The following CCBE1 variants were observed in gnomAD, a reference collection of about 807,000 sequenced individuals.
The protein encoded by CCBE1 is collagen and calcium binding EGF domains 1, also known as collagen and calcium-binding EGF domain-containing protein 1.
In CCBE1, 37 loss-of-function variants were observed where a neutral mutation model predicts 50.0. That is an observed-to-expected ratio of 0.74 (90% CI 0.57 to 0.97). The LOEUF is 0.97. CCBE1 is among the 50% of genes least tolerant of loss of function. The pLI is 0.00. For missense variants in CCBE1, 538 were observed against 523.8 expected (o/e 1.03, Z -0.26); for synonymous variants, 234 against 203.7 (o/e 1.15, Z -1.27).
chr18:59,627,588 G>A (rs1297202263), intron 2 of CCBE1, among the ~76,000 whole-genome samples: 3 of 152,182 alleles, frequency 2.0e-5, no homozygotes, highest in Admixed American at 2.0e-4. Flanking sequence ...CCAATGAATA[G>A]TGTCATAAGG....
intron 2 of CCBE1, among the ~76,000 whole-genome samples, chr18:59,693,102 G>A (rs2054757870): frequency 6.6e-6 from 1 of 151,986 alleles, no homozygotes; most frequent in South Asian, 2.1e-4. Flanking sequence ...TCTACAATGT[G>A]GCCAAGGACT....
intron 2 of CCBE1, among the ~76,000 whole-genome samples, chr18:59,544,072 A>G (rs1206931698): frequency 2.0e-5 from 3 of 152,186 alleles, no homozygotes; most frequent in Non-Finnish European, 4.4e-5. Flanking sequence ...CTCTATTTAA[A>G]TTTTATCTAC....
chr18:59,556,845 T>A (rs2052663934), intron 2 of CCBE1, among the ~76,000 whole-genome samples: 1 of 152,222 alleles, frequency 6.6e-6, no homozygotes, highest in African/African-American at 2.4e-5. Context: ...CTGTTTGCAT[T>A]GTTTATGGGA....
intron 6 of CCBE1, among the ~76,000 whole-genome samples, chr18:59,451,036 C>T (rs1191100251): frequency 6.6e-6 from 1 of 152,032 alleles, no homozygotes; most frequent in Admixed American, 6.6e-5. Flanking sequence ...GACTGTTGGC[C>T]CCACTTCATT....
chr18:59,697,436 A>G (rs1161564824), upstream of CCBE1: 1 of 1,482,280 alleles, frequency 6.7e-7, no homozygotes, highest in Non-Finnish European at 9.0e-7. Flanking sequence ...TCTTCCCGGC[A>G]GGGGGCGCCG....
chr18:59,574,921 G>C (rs1358689944), intron 2 of CCBE1, among the ~76,000 whole-genome samples: 2 of 152,180 alleles, frequency 1.3e-5, no homozygotes, highest in Non-Finnish European at 2.9e-5. Context: ...GGTTGTTGCA[G>C]ATGTAATTAG....
chr18:59,697,407 C>T lies in CCBE1; in HGVS notation c.-65G>A. On this transcript the variant is annotated 5_prime_UTR_variant, in exon 1 of 11. Transcript: ENST00000439986. ...CCGGACCAAGCGTCCTGCTCCTCCG[C>T]GGCCGCCGCCGCCTTCCCTCTTCCC... 10 of 1,509,068 alleles carry T rather than the reference C, an allele frequency of 6.6e-6. No homozygotes were observed. Among genetic ancestry groups the T allele is most frequent in the South Asian group, 1.2e-5 (1 of 80,172 alleles). The allele number at this position is 1,509,068 out of a possible 1,614,324, so 93.5% of individuals were successfully genotyped here.
At chr18:59,525,377 G>A (rs896528886) in intron 2 of CCBE1, among the ~76,000 whole-genome samples, 2 of 152,196 alleles carry the variant, frequency 1.3e-5, no homozygotes, top group Admixed American at 6.5e-5. Context: ...AATGTCTTCT[G>A]AAAAGTGTCT....
chr18:59,646,358 A>C (rs1264309895), intron 2 of CCBE1, among the ~76,000 whole-genome samples: 1 of 152,178 alleles, frequency 6.6e-6, no homozygotes, highest in Admixed American at 6.5e-5. Context: ...GATTCTACCC[A>C]AGAGGACTGC....
At position 59,697,200 on chromosome 18, in the gene CCBE1, T is replaced by C; in HGVS notation, c.131+12A>G. On this transcript the variant is annotated intron_variant, in intron 1 of 10. Coordinates refer to ENST00000439986, the MANE Select transcript of CCBE1 (RefSeq NM_133459.4). ...CAGGAGCTCGCCCTCCGCTGGGGCT[T>C]GCAGCGCTTACCTGTCGCCGTCCTC... 6 of 1,548,318 alleles carry C rather than the reference T, an allele frequency of 3.9e-6. No individual in the cohort carries two copies. Among genetic ancestry groups the C allele is most frequent in the Non-Finnish European group, 4.4e-6 (5 of 1,146,650 alleles).
chr18:59,612,426 G>A (rs1207203491), intron 2 of CCBE1, among the ~76,000 whole-genome samples: 1 of 152,026 alleles, frequency 6.6e-6, no homozygotes, highest in South Asian at 2.1e-4. Flanking sequence ...CTTCCCCAAG[G>A]CAGCAAAAAG....
intron 5 of CCBE1, among the ~76,000 whole-genome samples, chr18:59,458,170 A>G (rs1041083430): frequency 6.6e-6 from 1 of 150,380 alleles, no homozygotes; most frequent in Non-Finnish European, 1.5e-5. Flanking sequence ...CCAACCATCC[A>G]TCCATCCTTC....
chr18:59,461,896 C>A (rs980295300), intron 5 of CCBE1, among the ~76,000 whole-genome samples: 3 of 151,926 alleles, frequency 2.0e-5, no homozygotes, highest in African/African-American at 7.3e-5. Context: ...CCACGCCCAG[C>A]TAATGTTTTG....
At chr18:59,461,658 T>C (rs1477999592) in intron 5 of CCBE1, among the ~76,000 whole-genome samples, 2 of 151,932 alleles carry the variant, frequency 1.3e-5, no homozygotes, top group Admixed American at 6.5e-5. Context: ...TTAAGACTAT[T>C]TGCAATTGCT....
rs1480051353 is a variant in CCBE1 at position 59,448,018 on chromosome 18, C to G, written c.740G>C (p.Gly247Ala). ...CTGGCCCCCAGGCAGGCCAGGAGGT[C>G]CTGGAAGGTAGGTGTTTGAGGCCAG... ...KVLASNTYLP[G>A]PPGLPGGQGP... Residue 247 changes from glycine (G) to alanine (A), a missense_variant, in exon 7 of 11, where the codon GGA (glycine) becomes GCA (alanine). Transcript: ENST00000439986. 5.6e-6 allele frequency: 9 copies of G among 1,614,160 alleles called. No individual in the cohort carries two copies. Among genetic ancestry groups the G allele is most frequent in the Non-Finnish European group, 7.6e-6 (9 of 1,180,040 alleles).
intron 2 of CCBE1, among the ~76,000 whole-genome samples, chr18:59,525,533 TCTC>T (rs1369844050): frequency 1.3e-5 from 2 of 152,242 alleles, no homozygotes; most frequent in Admixed American, 6.5e-5. Flanking sequence ...GCAAAAATTT[TCTC>T]CTATTCTGTA....
intron 2 of CCBE1, among the ~76,000 whole-genome samples, chr18:59,513,325 A>AC (rs1349434958): frequency 1.9e-4 from 28 of 150,090 alleles, no homozygotes; most frequent in East Asian, 3.9e-4. Flanking sequence ...ACAAAACAAA[A>AC]AAATTCAAGA....
chr18:59,618,575 C>T (rs567199997), intron 2 of CCBE1, among the ~76,000 whole-genome samples: 1 of 152,158 alleles, frequency 6.6e-6, no homozygotes, highest in East Asian at 1.9e-4. Context: ...GCGGGGACTA[C>T]AGGTGCGTGC....
At chr18:59,462,239 G>A (rs531539584) in intron 5 of CCBE1, among the ~76,000 whole-genome samples, 2 of 152,112 alleles carry the variant, frequency 1.3e-5, no homozygotes, top group East Asian at 1.9e-4. Flanking sequence ...GACTCCGGCC[G>A]CTTCATCTGC....
Sources: allele counts gnomAD v4.1 joint callset (sites outside exome capture counted in the v4.1 genomes callset), GRCh38; gene constraint gnomAD v4.1.1; transcripts MANE v1.5; gene names NCBI Gene and HGNC (gene_info 2026-07-23, HGNC 2026-07-21).